Variants in CELF2 observed in about 807,000 individuals in gnomAD.
CELF2 encodes the protein CUGBP Elav-like family member 2.
A neutral mutation model predicts 62.6 loss-of-function variants in CELF2; 8 were observed. That is an observed-to-expected ratio of 0.13 (90% CI 0.07 to 0.23). The LOEUF is 0.23. Among genes scored for constraint, CELF2 ranks in the 10% least tolerant of loss-of-function variants. The pLI, the probability that CELF2 is intolerant of heterozygous loss-of-function variation, is 1.00. For missense variants in CELF2, 333 were observed against 671.0 expected, an observed-to-expected ratio of 0.50 and a Z score of 5.56; for synonymous variants, 258 against 250.0, an observed-to-expected ratio of 1.03 and a Z score of -0.30.
At chr10:10,863,857 C>A (rs2060194996) in intron 1 of CELF2, among the ~76,000 whole-genome samples, 1 of 152,188 alleles carries the variant, frequency 6.6e-6, no homozygotes, top group Non-Finnish European at 1.5e-5. Context: ...CTAGGACTTT[C>A]CAGCAGGACA....
At chr10:10,467,496 A>G in the CELF2 span, among the ~76,000 whole-genome samples, 1 of 152,050 alleles carries the variant, frequency 6.6e-6, no homozygotes, top group African/African-American at 2.4e-5. Flanking sequence ...TAAGTCTTGG[A>G]AAAAGATACT....
chr10:11,022,203 T>G (rs557921213), intron 1 of CELF2, among the ~76,000 whole-genome samples: 1 of 152,366 alleles, frequency 6.6e-6, no homozygotes, highest in African/African-American at 2.4e-5. Flanking sequence ...AGGAAAATTT[T>G]TGAAGTGTTT....
At chr10:10,701,776 T>G in the CELF2 span, among the ~76,000 whole-genome samples, 1 of 152,196 alleles carries the variant, frequency 6.6e-6, no homozygotes, top group Non-Finnish European at 1.5e-5. Flanking sequence ...CGTCCCATTT[T>G]CCATTTCTGC....
chr10:11,092,225 T>C (rs555151264), intron 1 of CELF2: 3 of 152,234 alleles, frequency 2.0e-5, no homozygotes, highest in Non-Finnish European at 4.4e-5. Context: ...ATTCTTAACA[T>C]CACACAGTGT....
At chr10:10,710,825 A>G in the CELF2 span, among the ~76,000 whole-genome samples, 1 of 152,206 alleles carries the variant, frequency 6.6e-6, no homozygotes, top group Non-Finnish European at 1.5e-5. Context: ...TTCTTTTTTA[A>G]AAGTGAAACA....
chr10:10,803,955 T>A (rs2054938519), intron 1 of CELF2, among the ~76,000 whole-genome samples: 1 of 152,218 alleles, frequency 6.6e-6, no homozygotes, highest in Non-Finnish European at 1.5e-5. Context: ...GATATTGTGT[T>A]ATGTGGAATG....
chr10:10,863,633 C>T lies in CELF2; in HGVS notation c.54-56331C>T, dbSNP rs182757829. Among the ~76,000 whole-genome samples the T allele has an allele frequency of 7.8e-3, 1,183 of 152,080 alleles. 13 individuals carry two copies. The highest frequency in any genetic ancestry group is 0.027 in the African/African-American group (1,123 of 41,496). Reference sequence around the variant, plus strand: ...TGCCGTCACTTTTAATGGCAAAAACCACAATTACTTTTGCACCAACCTAAT... The same window carrying T: ...TGCCGTCACTTTTAATGGCAAAAACTACAATTACTTTTGCACCAACCTAAT... On this transcript the variant is annotated intron_variant, in intron 1 of 13. Transcript: ENST00000636488.
intron 1 of CELF2, among the ~76,000 whole-genome samples, chr10:10,890,362 C>T (rs949755890): frequency 6.6e-6 from 1 of 152,156 alleles, no homozygotes; most frequent in Non-Finnish European, 1.5e-5. Flanking sequence ...GGAATGCATG[C>T]CCCGCCCCTC....
intron 2 of CELF2, among the ~76,000 whole-genome samples, chr10:10,950,066 C>G (rs2048151392): frequency 6.6e-6 from 1 of 152,188 alleles, no homozygotes; most frequent in Non-Finnish European, 1.5e-5. Context: ...CATCACACCT[C>G]TCTCCCCTGA....
At chr10:11,204,184 A>G (rs2059902280) in intron 2 of CELF2, among the ~76,000 whole-genome samples, 1 of 152,238 alleles carries the variant, frequency 6.6e-6, no homozygotes, top group South Asian at 2.1e-4. Context: ...GTACAGTGGA[A>G]GGAAGAAAAG....
At chr10:10,776,646 C>T in the CELF2 span, 1 of 166,624 alleles carries the variant, frequency 6.0e-6, no homozygotes, top group Admixed American at 5.9e-5. Context: ...TCACTGTGGG[C>T]CACCCCAGCG....
intron 1 of CELF2, among the ~76,000 whole-genome samples, chr10:10,919,060 C>T (rs1353073085): frequency 6.6e-6 from 1 of 152,102 alleles, no homozygotes; most frequent in Non-Finnish European, 1.5e-5. Context: ...CACTTGAGGT[C>T]AGGAGGTCGA....
At chr10:10,896,310 T>A (rs2062550561) in intron 1 of CELF2, among the ~76,000 whole-genome samples, 1 of 151,896 alleles carries the variant, frequency 6.6e-6, no homozygotes, top group African/African-American at 2.4e-5. Flanking sequence ...TTGAGCAAGA[T>A]CCAATTATAT....
At position 10,983,810 on chromosome 10, in the gene CELF2, C is replaced by T. The variant is rs1366110236; in HGVS notation, c.89+63811C>T. ...CTTGAACTCCTCACAGGTGATCCAC[C>T]TGCCTCAGCCTCCCAAAGTGCTGGG... is the stretch of plus-strand genomic sequence containing the variant. On this transcript the variant is annotated intron_variant, in intron 2 of 13. Transcript: ENST00000636488. This position sits in a 1 kb window ranked among gnomAD's most constrained non-coding sequence, Gnocchi z 5.2. Among the ~76,000 whole-genome samples the T allele has an allele frequency of 1.3e-5, 2 of 152,222 alleles. No homozygotes were observed. The highest frequency in any genetic ancestry group is 1.5e-5 in the Non-Finnish European group (1 of 68,038).
At position 11,121,051 on chromosome 10, in the gene CELF2, T is replaced by G. The variant is rs567874280; in HGVS notation, c.75-44435T>G. On this transcript the variant is annotated intron_variant, in intron 1 of 12. Transcript: ENST00000633077. ...CCATTATTTAGACCCCAAGGCATGT[T>G]CCTGTCGTGGACAGAAATCACCACC... Among the ~76,000 whole-genome samples the G allele has an allele frequency of 2.6e-4, 39 of 152,316 alleles. 1 individual carries two copies. In the South Asian group the frequency reaches 7.7e-3, roughly 30 times the overall value.
intron 2 of CELF2, among the ~76,000 whole-genome samples, chr10:11,215,745 C>G (rs2063187810): frequency 6.6e-6 from 1 of 152,190 alleles, no homozygotes; most frequent in Non-Finnish European, 1.5e-5. Flanking sequence ...AAGGCTTGTC[C>G]TGTTTTTCTT....
chr10:10,479,881 T>G, the CELF2 span, among the ~76,000 whole-genome samples: 1 of 152,310 alleles, frequency 6.6e-6, no homozygotes, highest in African/African-American at 2.4e-5. Flanking sequence ...TTTAACCCTT[T>G]TTACCTTTTT....
At chr10:10,508,050 C>CA in the CELF2 span, among the ~76,000 whole-genome samples, 4 of 151,468 alleles carry the variant, frequency 2.6e-5, no homozygotes, top group Non-Finnish European at 5.9e-5. Context: ...AGAGCCTTTG[C>CA]AAAAAATAAA....
intron 2 of CELF2, among the ~76,000 whole-genome samples, chr10:10,920,322 G>A (rs1019753271): frequency 1.4e-4 from 22 of 152,220 alleles, no homozygotes; most frequent in African/African-American, 1.2e-4. Flanking sequence ...TTATGTTCAC[G>A]GGAATTGGCA....
Sources: gnomAD v4.1 joint callset for allele counts (sites outside exome capture counted in the v4.1 genomes callset) on GRCh38, gnomAD v4.1.1 for gene constraint, Gnocchi (gnomAD v3.1) non-coding constraint, MANE v1.5 for transcripts, NCBI Gene and HGNC (gene_info 2026-07-23, HGNC 2026-07-21) for gene names.